Variants in CTNNA3 observed in about 807,000 individuals in gnomAD.
CTNNA3 encodes catenin alpha 3.
CTNNA3 carries 76 observed loss-of-function variants against 95.7 expected under a neutral mutation model. The observed-to-expected ratio is 0.79, with a 90% CI of 0.66 to 0.96. CTNNA3 has a LOEUF of 0.96. CTNNA3 is among the 40% of genes least tolerant of loss of function. The probability of loss-of-function intolerance (pLI) is 0.00; values close to 1 mark genes in which losing one functional copy is unlikely to be tolerated. For missense variants in CTNNA3, 1,191 were observed against 1,089.8 expected, an observed-to-expected ratio of 1.09 and a Z score of -1.31; for synonymous variants, 431 against 374.4, an observed-to-expected ratio of 1.15 and a Z score of -1.74.
intron 12 of CTNNA3, among the ~76,000 whole-genome samples, chr10:66,323,676 G>T (rs1056992011): frequency 6.7e-6 from 1 of 150,042 alleles, no homozygotes; most frequent in Non-Finnish European, 1.5e-5. Context: ...AAAAGAAGAA[G>T]AAGAGGGCAG....
intron 13 of CTNNA3, among the ~76,000 whole-genome samples, chr10:66,264,057 T>C (rs955454452): frequency 6.6e-6 from 1 of 152,020 alleles, no homozygotes; most frequent in Non-Finnish European, 1.5e-5. Context: ...CCTGTCTATA[T>C]GTTATTACAT....
chr10:66,279,555 A>G (rs1475229747), intron 13 of CTNNA3, among the ~76,000 whole-genome samples: 3 of 151,958 alleles, frequency 2.0e-5, no homozygotes, highest in Admixed American at 2.0e-4. Flanking sequence ...CAGTTTGTTC[A>G]TGTCAGGTAA....
chr10:66,805,710 G>A (rs1379486763), intron 7 of CTNNA3, among the ~76,000 whole-genome samples: 4 of 151,888 alleles, frequency 2.6e-5, no homozygotes, highest in Non-Finnish European at 5.9e-5. Context: ...CAGTCAGAAA[G>A]TACAAGCTGA....
rs557537752 is a variant in CTNNA3, at chr10:66,707,336, C to T, written c.1281+58928G>A. ...GCTTATAAAATTAATATCTAGGCAA[C>T]GATGGCCACAGTGCATTTTAGGTAT... On this transcript the variant is annotated intron_variant, in intron 9 of 17. Transcript: ENST00000433211. Among the ~76,000 whole-genome samples the T allele has an allele frequency of 2.6e-5, 4 of 152,088 alleles. No individual in the cohort carries two copies. The East Asian group carries it at 7.7e-4, about 29-fold the overall frequency.
At chr10:66,429,024 A>G (rs2093270934) in intron 11 of CTNNA3, among the ~76,000 whole-genome samples, 1 of 152,080 alleles carries the variant, frequency 6.6e-6, no homozygotes, top group Non-Finnish European at 1.5e-5. Flanking sequence ...AATAAAGAAG[A>G]AAAGAGAGAA....
chr10:67,117,956 C>T (rs375342795), intron 7 of CTNNA3, among the ~76,000 whole-genome samples: 11 of 151,876 alleles, frequency 7.2e-5, no homozygotes, highest in East Asian at 1.9e-4. Flanking sequence ...TTTTCATGAC[C>T]GATTCAAGAG....
intron 8 of CTNNA3, among the ~76,000 whole-genome samples, chr10:66,771,323 A>G (rs1323495794): frequency 6.6e-6 from 1 of 152,176 alleles, no homozygotes. Context: ...TAGAAATAAG[A>G]TATATTTGTT....
chr10:66,710,885 A>C (rs1007938155), intron 9 of CTNNA3, among the ~76,000 whole-genome samples: 1 of 152,122 alleles, frequency 6.6e-6, no homozygotes, highest in Non-Finnish European at 1.5e-5. Flanking sequence ...TGTTTGCATC[A>C]GGTATGTTGC....
chr10:66,921,120 T>C (rs1030442831), intron 7 of CTNNA3, among the ~76,000 whole-genome samples: 1 of 152,218 alleles, frequency 6.6e-6, no homozygotes, highest in African/African-American at 2.4e-5. Context: ...ACAGAAGACC[T>C]GATGTCAAAG....
intron 7 of CTNNA3, among the ~76,000 whole-genome samples, chr10:66,859,574 T>C (rs550294727): frequency 3.3e-5 from 5 of 150,822 alleles, no homozygotes; most frequent in African/African-American, 9.7e-5. Context: ...GGTGGGACTG[T>C]AAACTAGTTC....
intron 5 of CTNNA3, among the ~76,000 whole-genome samples, chr10:67,332,068 T>C (rs1362643638): frequency 1.3e-5 from 2 of 152,166 alleles, no homozygotes; most frequent in Admixed American, 6.5e-5. Context: ...TAATTACTTA[T>C]AGGAATCTGT....
chr10:65,946,000 C>T (rs957180407), intron 17 of CTNNA3, among the ~76,000 whole-genome samples: 5 of 152,062 alleles, frequency 3.3e-5, no homozygotes, highest in African/African-American at 1.2e-4. Flanking sequence ...CTTCCATGCC[C>T]CTCTGCTGGG....
chr10:67,260,538 A>T (rs563660416), intron 5 of CTNNA3, among the ~76,000 whole-genome samples: 51 of 152,338 alleles, frequency 3.3e-4, no homozygotes, highest in Non-Finnish European at 6.2e-4. Flanking sequence ...TTCAACACCT[A>T]GAAATTCATT....
chr10:66,769,469 T>G (rs1309980540), intron 8 of CTNNA3, among the ~76,000 whole-genome samples: 1 of 152,256 alleles, frequency 6.6e-6, no homozygotes, highest in East Asian at 1.9e-4. Flanking sequence ...TTCACTATTA[T>G]GAACTACATT....
At chr10:65,991,891 T>C (rs914847211) in intron 15 of CTNNA3, among the ~76,000 whole-genome samples, 3 of 152,114 alleles carry the variant, frequency 2.0e-5, no homozygotes, top group Non-Finnish European at 4.4e-5. Context: ...GAGTTTGTAA[T>C]ATGTGGCCTT....
intron 4 of CTNNA3, among the ~76,000 whole-genome samples, chr10:67,524,395 CAAAA>C (rs200850487): frequency 1.1e-4 from 8 of 70,278 alleles, no homozygotes; most frequent in Non-Finnish European, 2.3e-4. Flanking sequence ...GACTCTGTCT[CAAAA>C]AAAAAAAAAA....
rs561283112 is a variant in CTNNA3 at position 67,502,035 on chromosome 10, A to G, written c.579+19807T>C. Among the ~76,000 whole-genome samples, 20 of 152,204 alleles carry G rather than the reference A, an allele frequency of 1.3e-4. 1 individual carries two copies. In the South Asian group the frequency reaches 3.7e-3, roughly 28 times the overall value. Reference sequence around the variant, plus strand: ...GTGAAGAGTTGTGATCCTTTGAAGGAAAGAGGCATTCTGAGTTCTGGAATT... The same window carrying G: ...GTGAAGAGTTGTGATCCTTTGAAGGGAAGAGGCATTCTGAGTTCTGGAATT... On this transcript the variant is annotated intron_variant, in intron 5 of 17. Transcript: ENST00000433211.
chr10:66,928,424 A>G (rs528381331), intron 7 of CTNNA3: 10 of 1,610,996 alleles, frequency 6.2e-6, no homozygotes, highest in East Asian at 2.2e-5. Flanking sequence ...CCCTGCACCT[A>G]TAACAAATCG....
intron 7 of CTNNA3, among the ~76,000 whole-genome samples, chr10:67,085,436 C>T (rs1857252133): frequency 6.6e-6 from 1 of 151,624 alleles, no homozygotes; most frequent in Non-Finnish European, 1.5e-5. Context: ...ATAGGTAAGA[C>T]ACTGAGAAGA....
Sources: gnomAD v4.1 joint callset for allele counts (sites outside exome capture counted in the v4.1 genomes callset) on GRCh38, gnomAD v4.1.1 for gene constraint, MANE v1.5 for transcripts, NCBI Gene and HGNC (gene_info 2026-07-23, HGNC 2026-07-21) for gene names.